Variants in RBFA observed in about 807,000 individuals in gnomAD.
The protein encoded by RBFA is putative ribosome-binding factor A, mitochondrial.
Under a neutral mutation model 27.9 loss-of-function variants are expected in RBFA, and 16 were observed. The ratio of observed to expected loss-of-function variants is 0.57; its 90% CI spans 0.39 to 0.87. The LOEUF is 0.87. Ranked by LOEUF, RBFA falls within the 40% of genes least tolerant of loss-of-function variation. The pLI is 0.00. For missense variants in RBFA, 456 were observed against 432.1 expected (o/e 1.06, Z -0.49); for synonymous variants, 181 against 181.0 (o/e 1.00, Z 0.00).
chr18:80,045,622 A>T, intron 6 of RBFA, 152 bp from the exon 7 acceptor site: 1 of 901,264 alleles, frequency 1.1e-6, no homozygotes, highest in Non-Finnish European at 1.5e-6. Context: ...ACCTTCCTTC[A>T]CTCCTGTCTC....
At chr18:80,040,239 ATTT>A (rs71338083) in intron 4 of RBFA, among the ~76,000 whole-genome samples, 2 of 91,440 alleles carry the variant, frequency 2.2e-5, no homozygotes, top group Admixed American at 1.6e-4. Flanking sequence ...GGAGGCCTGA[ATTT>A]TTTTTTTTTT....
At chr18:80,039,704 A>G (rs1046446572) in intron 4 of RBFA, among the ~76,000 whole-genome samples, 1 of 152,212 alleles carries the variant, frequency 6.6e-6, no homozygotes, top group African/African-American at 2.4e-5. Context: ...CGACCTTAAC[A>G]AACGTGCTGT....
At chr18:80,045,482 C>T (rs977583147) in intron 6 of RBFA, among the ~76,000 whole-genome samples, 2 of 152,148 alleles carry the variant, frequency 1.3e-5, no homozygotes, top group South Asian at 2.1e-4. Context: ...GCCTCAGCCT[C>T]GCACAGTGCT....
intron 6 of RBFA, among the ~76,000 whole-genome samples, chr18:80,045,175 C>A (rs1346373512): frequency 6.6e-6 from 1 of 151,428 alleles, no homozygotes; most frequent in Non-Finnish European, 1.5e-5. Flanking sequence ...GCGATTCTGC[C>A]AGTTGAACTG....
intron 1 of RBFA, chr18:80,035,301 T>C (rs2051970158): frequency 6.6e-6 from 1 of 152,588 alleles, no homozygotes; most frequent in East Asian, 1.9e-4. Flanking sequence ...TATTCACTTT[T>C]CCTTGGTTCT....
At chr18:80,045,086 T>C (rs1211579902) in intron 6 of RBFA, among the ~76,000 whole-genome samples, 1 of 152,224 alleles carries the variant, frequency 6.6e-6, no homozygotes, top group Admixed American at 6.5e-5. Flanking sequence ...GGCTGTGACG[T>C]GGCCTTGACT....
rs1568389613 is a variant in RBFA at position 80,044,279 on chromosome 18, A to T, written c.644A>T (p.Asp215Val). ...GAAAGAGACAACTTTGTACAAAATG[A>T]TTTCAGGTGACGCATGTGGACATAT... is the stretch of plus-strand genomic sequence containing the variant. ...RDERDNFVQN[D>V]FRDPDAPQPC... The change falls in exon 6 of 7, where the codon GAT (aspartate) becomes GTT (valine). Residue 215 changes from aspartate to valine, a missense_variant. Coordinates refer to ENST00000306735, the MANE Select transcript of RBFA (RefSeq NM_024805.3). 1 of 1,613,848 alleles carries T rather than the reference A, an allele frequency of 6.2e-7. No individual in the cohort carries two copies. The highest frequency in any genetic ancestry group is 2.2e-5 in the East Asian group (1 of 44,874).
At chr18:80,034,682 C>T in intron 1 of RBFA, 29 bp downstream of exon 1, 2 of 1,603,706 alleles carry the variant, frequency 1.2e-6, no homozygotes, top group Non-Finnish European at 8.5e-7. Context: ...TGTCCCTGGG[C>T]GCGGTATTCC....
chr18:80,045,675 T>C, intron 6 of RBFA, 99 bp from the exon 7 acceptor site: 1 of 1,330,100 alleles, frequency 7.5e-7, no homozygotes, highest in Admixed American at 2.7e-5. Flanking sequence ...CTCAGGCGAG[T>C]AGATGTAGGA....
At position 80,038,569 on chromosome 18, in the gene RBFA, A is replaced by T; in HGVS notation, c.443A>T (p.Gln148Leu). ...AYWKTTLSAEQNAHMEAVLQR... is the reference protein window; with the variant it reads ...AYWKTTLSAELNAHMEAVLQR... The stretch of plus-strand genomic sequence containing the variant: ...TGGAAGACAACGCTCTCTGCTGAGC[A>T]GAACGCACACATGGAGGCTGTCCTG... Residue 148 changes from glutamine (Q) to leucine (L), a missense_variant, in exon 4 of 7, where the codon CAG becomes CTG. Transcript: ENST00000306735. 6.2e-7 allele frequency: 1 copy of T among 1,614,174 alleles called. No individual in the cohort carries two copies. Among genetic ancestry groups the T allele is most frequent in the Non-Finnish European group, 8.5e-7 (1 of 1,179,984 alleles).
In RBFA at chr18:80,034,635, A is replaced by C; in HGVS notation, c.140A>C (p.Lys47Thr). The C allele has an allele frequency of 2.5e-6, 4 of 1,608,844 alleles. No individual in the cohort carries two copies. The highest frequency in any genetic ancestry group is 3.4e-6 in the Non-Finnish European group (4 of 1,178,714). ...SAVSCKNWLK[K>T]FASKTKKKVW... ...GTCTCCTGCAAGAACTGGCTCAAGA[A>C]ATTTGCCTCGAAAACCAAGTAATGC... Residue 47 changes from lysine (K) to threonine (T), a missense_variant, in exon 1 of 7, where the codon AAA (lysine) becomes ACA (threonine). Lys to Thr is a moderately conservative substitution (Grantham distance 78, BLOSUM62 -1). Coordinates refer to ENST00000306735, the MANE Select transcript of RBFA (RefSeq NM_024805.3).
intron 3 of RBFA, 72 bp downstream of exon 3, chr18:80,037,578 C>A: frequency 1.4e-6 from 2 of 1,387,756 alleles, no homozygotes; most frequent in South Asian, 1.3e-5. Flanking sequence ...CTGGCCCAGT[C>A]TTGCCTGACA....
intron 2 of RBFA, among the ~76,000 whole-genome samples, chr18:80,037,055 A>G (rs1441692824): frequency 6.6e-6 from 1 of 152,230 alleles, no homozygotes; most frequent in Admixed American, 6.5e-5. Context: ...TCCCTTTAGC[A>G]CGGTGAACTT....
intron 4 of RBFA, among the ~76,000 whole-genome samples, chr18:80,040,901 C>T (rs139692052): frequency 1.9e-3 from 292 of 152,270 alleles, no homozygotes; most frequent in African/African-American, 6.6e-3. Context: ...AATTGCTGAG[C>T]TGGATGATAA....
Position 80,044,248 on chromosome 18 carries a change from C to T in RBFA, c.613C>T (p.Arg205Trp), listed in dbSNP as rs767597153. 24 of 1,614,046 alleles carry T rather than the reference C, an allele frequency of 1.5e-5. No individual in the cohort carries two copies. Among genetic ancestry groups the T allele is most frequent in the Middle Eastern group, 3.3e-4 (2 of 6,084 alleles). ...ACTGGCAGTCGCAGACTTTGGACCCCGGGATGAAAGAGACAACTTTGTACA... is the reference window on the plus strand; with the variant it reads ...ACTGGCAGTCGCAGACTTTGGACCCTGGGATGAAAGAGACAACTTTGTACA... The part of the protein sequence containing the change: ...QLLAVADFGP[R>W]DERDNFVQND... Residue 205 changes from arginine (R) to tryptophan (W), a missense_variant, in exon 6 of 7, where the codon CGG becomes TGG. Transcript: ENST00000306735.
chr18:80,050,089 T>G lies in RBFA; in HGVS notation c.*3934T>G, dbSNP rs566641604. On this transcript the variant is annotated 3_prime_UTR_variant, in exon 7 of 7. Transcript: ENST00000306735. ...TTTTGTCCAGAAGGAAAACCTGGTTTTACATCAGAAACTTGAGGTACTTTG... is the reference window on the plus strand; with the variant it reads ...TTTTGTCCAGAAGGAAAACCTGGTTGTACATCAGAAACTTGAGGTACTTTG... Among the ~76,000 whole-genome samples the G allele has an allele frequency of 6.6e-6, 1 of 152,318 alleles. No homozygotes were observed. The highest frequency in any genetic ancestry group is 2.1e-4 in the South Asian group (1 of 4,824).
At chr18:80,044,350 T>G in intron 6 of RBFA, 65 bp downstream of exon 6, 6 of 1,422,500 alleles carry the variant, frequency 4.2e-6, no homozygotes, top group Non-Finnish European at 6.0e-6. Flanking sequence ...ATCACCATTT[T>G]CCAGAGCAGC....
At chr18:80,037,209 G>A (rs2051985117) in intron 2 of RBFA, 121 bp from the exon 3 acceptor site, 3 of 692,200 alleles carry the variant, frequency 4.3e-6, no homozygotes, top group Admixed American at 4.8e-5. Context: ...TGAGGCAGCT[G>A]AGAGTGATAG....
chr18:80,042,256 T>A, intron 5 of RBFA, 37 bp downstream of exon 5: 1 of 1,356,298 alleles, frequency 7.4e-7, no homozygotes, highest in Non-Finnish European at 1.0e-6. Context: ...AATTTAAAAA[T>A]TTTTATTTTT....
Sources: allele counts gnomAD v4.1 joint callset (sites outside exome capture counted in the v4.1 genomes callset), GRCh38; gene constraint gnomAD v4.1.1; transcripts MANE v1.5; gene names NCBI Gene and HGNC (gene_info 2026-07-23, HGNC 2026-07-21).